CHRM3: variants seen among roughly 807,000 people sequenced by gnomAD.
CHRM3 encodes muscarinic acetylcholine receptor M3.
A neutral mutation model predicts 41.8 loss-of-function variants in CHRM3; 11 were observed. The ratio of observed to expected loss-of-function variants is 0.26; its 90% CI spans 0.17 to 0.44. The LOEUF (loss-of-function observed/expected upper bound fraction) is 0.44. Ranked by LOEUF, CHRM3 falls within the 20% of genes least tolerant of loss-of-function variation. The pLI is 1.00. For synonymous variants in CHRM3, 297 were observed against 301.4 expected (o/e 0.99, Z 0.15); for missense variants, 571 against 745.4 (o/e 0.77, Z 2.72).
At chr1:239,680,111 C>T (rs369590356) in intron 5 of CHRM3, among the ~76,000 whole-genome samples, 1 of 152,122 alleles carries the variant, frequency 6.6e-6, no homozygotes, top group East Asian at 1.9e-4. Context: ...TACATCACTT[C>T]CTCATCTCAC....
At chr1:239,510,539 T>C (rs1668851518) in intron 2 of CHRM3, among the ~76,000 whole-genome samples, 2 of 136,526 alleles carry the variant, frequency 1.5e-5, no homozygotes, top group East Asian at 2.1e-4. Flanking sequence ...ACCCCTCAGA[T>C]TTTTTTTTTT....
intron 1 of CHRM3, among the ~76,000 whole-genome samples, chr1:239,488,168 C>G (rs1372358457): frequency 6.6e-6 from 1 of 152,074 alleles, no homozygotes; most frequent in Non-Finnish European, 1.5e-5. Context: ...GGCTAATTGC[C>G]TACCAACATA....
chr1:239,538,778 A>T (rs1658456933), intron 2 of CHRM3, among the ~76,000 whole-genome samples: 1 of 152,174 alleles, frequency 6.6e-6, no homozygotes, highest in African/African-American at 2.4e-5. Flanking sequence ...ACACATATAA[A>T]CCTACCCAGT....
At chr1:239,579,068 G>A (rs1255150854) in intron 3 of CHRM3, among the ~76,000 whole-genome samples, 2 of 152,140 alleles carry the variant, frequency 1.3e-5, no homozygotes, top group Non-Finnish European at 2.9e-5. Flanking sequence ...AAAGGAATTA[G>A]ACTCTATTCT....
chr1:239,648,274 G>A (rs968818123), intron 4 of CHRM3, among the ~76,000 whole-genome samples: 1 of 152,090 alleles, frequency 6.6e-6, no homozygotes, highest in Non-Finnish European at 1.5e-5. Flanking sequence ...GTCTCTTCTT[G>A]CTCCCTTTTC....
In CHRM3 at chr1:239,909,418, A is replaced by C; in HGVS notation, c.*194A>C. On this transcript the variant is annotated 3_prime_UTR_variant, in exon 7 of 7. Transcript: ENST00000676153. Reference sequence around the variant, plus strand: ...GAAAAAGTCAATACCAATTCAGCAAAAAGAAAAAAAAAACATACTACTGAA... The same window carrying C: ...GAAAAAGTCAATACCAATTCAGCAACAAGAAAAAAAAAACATACTACTGAA... 1 of 446,974 alleles carries C rather than the reference A, an allele frequency of 2.2e-6. No individual in the cohort carries two copies. The allele number at this position is 446,974 out of a possible 1,614,324, so 27.7% of individuals were successfully genotyped here.
chr1:239,881,205 C>G (rs1314625451), intron 6 of CHRM3, among the ~76,000 whole-genome samples: 1 of 134,552 alleles, frequency 7.4e-6, no homozygotes, highest in Non-Finnish European at 1.5e-5. Flanking sequence ...ATGGCGTGAA[C>G]CCGGGAGGCG....
chr1:239,470,856 T>C (rs1315769151), intron 1 of CHRM3, among the ~76,000 whole-genome samples: 1 of 151,678 alleles, frequency 6.6e-6, no homozygotes, highest in Admixed American at 6.6e-5. Context: ...AGTGTCAGTA[T>C]TTTTTTTTAA....
At chr1:239,870,309 A>G (rs1454250695) in intron 6 of CHRM3, among the ~76,000 whole-genome samples, 1 of 152,210 alleles carries the variant, frequency 6.6e-6, no homozygotes, top group Non-Finnish European at 1.5e-5. Context: ...CAGGTGGGTA[A>G]CAGTTGTCCA....
chr1:239,554,284 G>A (rs1190787208), intron 3 of CHRM3, among the ~76,000 whole-genome samples: 2 of 152,180 alleles, frequency 1.3e-5, no homozygotes, highest in East Asian at 1.9e-4. Context: ...TTTGAAGCCA[G>A]AGAATTCGAG....
intron 1 of CHRM3, among the ~76,000 whole-genome samples, chr1:239,409,612 G>A (rs1218738812): frequency 6.6e-6 from 1 of 152,126 alleles, no homozygotes; most frequent in Admixed American, 6.6e-5. Context: ...ATTTTACTAG[G>A]ACCACATGGA....
At chr1:239,399,028 T>C (rs1321880458) in intron 1 of CHRM3, among the ~76,000 whole-genome samples, 1 of 152,082 alleles carries the variant, frequency 6.6e-6, no homozygotes, top group Non-Finnish European at 1.5e-5. Context: ...GGAACCAAGG[T>C]CTCTTTGAAG....
At chr1:239,569,996 TG>T (rs1661686949) in intron 3 of CHRM3, among the ~76,000 whole-genome samples, 1 of 152,190 alleles carries the variant, frequency 6.6e-6, no homozygotes, top group African/African-American at 2.4e-5. Context: ...GGGATATTTA[TG>T]TTTTTTTAAA....
intron 5 of CHRM3, among the ~76,000 whole-genome samples, chr1:239,764,454 T>C (rs1367387400): frequency 6.6e-6 from 1 of 152,196 alleles, no homozygotes; most frequent in East Asian, 1.9e-4. Context: ...TTCTGCTGTC[T>C]CAGTGAATAC....
rs143821273 is a variant in CHRM3 at position 239,876,398 on chromosome 1, C to T, written c.-19-31035C>T. On this transcript the variant is annotated intron_variant, in intron 6 of 6. Coordinates refer to ENST00000676153, the MANE Select transcript of CHRM3 (RefSeq NM_001375978.1). ...AAAGGGCGGATTGGTGACATGATAG[C>T]GAGGTATCTCAGGCAATCCGAGGGC... Among the ~76,000 whole-genome samples the T allele has an allele frequency of 9.1e-4, 139 of 152,234 alleles. 2 individuals carry two copies. The highest frequency in any genetic ancestry group is 2.8e-3 in the African/African-American group (116 of 41,528).
At chr1:239,884,766 T>C (rs562408245) in intron 6 of CHRM3, among the ~76,000 whole-genome samples, 1 of 152,338 alleles carries the variant, frequency 6.6e-6, no homozygotes, top group Non-Finnish European at 1.5e-5. Flanking sequence ...TGGTGCTTAC[T>C]AGTAGATGTT....
At chr1:239,665,143 G>A (rs900213932) in intron 4 of CHRM3, among the ~76,000 whole-genome samples, 3 of 126,774 alleles carry the variant, frequency 2.4e-5, no homozygotes, top group Admixed American at 8.7e-5. Flanking sequence ...CATTTCCAAC[G>A]TTAAAAGTTT....
chr1:239,471,951 A>G (rs969982052), intron 1 of CHRM3, among the ~76,000 whole-genome samples: 10 of 149,426 alleles, frequency 6.7e-5, no homozygotes, highest in Admixed American at 1.3e-4. Flanking sequence ...GGACTCGCCA[A>G]TTTTTTTTTT....
chr1:239,611,416 CTTTTTTTTT>C, intron 3 of CHRM3, among the ~76,000 whole-genome samples: 1 of 96,238 alleles, frequency 1.0e-5, no homozygotes, highest in African/African-American at 4.1e-5. Context: ...TTGCAAGTGA[CTTTTTTTTT>C]TTTTTTTTTT....
Sources: gnomAD v4.1 joint callset for allele counts (sites outside exome capture counted in the v4.1 genomes callset) on GRCh38, gnomAD v4.1.1 for gene constraint, MANE v1.5 for transcripts, NCBI Gene and HGNC (gene_info 2026-07-23, HGNC 2026-07-21) for gene names.